WDR7: variants seen among roughly 807,000 people sequenced by gnomAD.
WDR7 encodes the protein WD repeat domain 7.
In WDR7, 46 loss-of-function variants were observed where a neutral mutation model predicts 169.4. The observed-to-expected ratio is 0.27, with a 90% CI of 0.21 to 0.35. The LOEUF (loss-of-function observed/expected upper bound fraction) is 0.35. Ranked by LOEUF, WDR7 falls within the 10% of genes least tolerant of loss-of-function variation. The probability of loss-of-function intolerance (pLI) is 1.00; values close to 1 mark genes in which losing one functional copy is unlikely to be tolerated. For missense variants in WDR7, 1,534 were observed against 1,859.3 expected, an observed-to-expected ratio of 0.83 and a Z score of 3.22; for synonymous variants, 612 against 666.8, an observed-to-expected ratio of 0.92 and a Z score of 1.27.
intron 20 of WDR7, among the ~76,000 whole-genome samples, chr18:56,818,505 A>G (rs2045023927): frequency 6.6e-6 from 1 of 152,196 alleles, no homozygotes; most frequent in Admixed American, 6.5e-5. Context: ...TGTCATGGGT[A>G]CTAGAGGCAA....
At chr18:56,958,867 T>G (rs2145762930) in intron 25 of WDR7, among the ~76,000 whole-genome samples, 1 of 152,234 alleles carries the variant, frequency 6.6e-6, no homozygotes, top group East Asian at 1.9e-4. Context: ...AATGGGTAAG[T>G]GTAATGTTTC....
chr18:56,693,996 A>G (rs1445867008), intron 9 of WDR7, among the ~76,000 whole-genome samples: 8 of 151,154 alleles, frequency 5.3e-5, no homozygotes, highest in Non-Finnish European at 1.2e-4. Context: ...CAGCCTCCTG[A>G]ATACCTGGAG....
chr18:56,768,438 GTGTTAAT>G (rs1207894233), intron 16 of WDR7, among the ~76,000 whole-genome samples: 2 of 152,108 alleles, frequency 1.3e-5, no homozygotes, highest in Non-Finnish European at 2.9e-5. Flanking sequence ...TAAATATATA[GTGTTAAT>G]TGTTTTCTCA....
intron 19 of WDR7, among the ~76,000 whole-genome samples, chr18:56,809,405 C>T (rs1331973263): frequency 1.3e-5 from 2 of 152,008 alleles, no homozygotes; most frequent in East Asian, 3.9e-4. Flanking sequence ...TCATCACTGT[C>T]AAATATTTTG....
chr18:56,772,651 A>G lies in WDR7; in HGVS notation c.2849-4131A>G, dbSNP rs569171283. Among the ~76,000 whole-genome samples, 3 of 152,148 alleles carry G rather than the reference A, an allele frequency of 2.0e-5. No homozygotes were observed. The South Asian group carries it at 6.2e-4, about 32-fold the overall frequency. ...TATTTCCATAGACATAGAGATATTT[A>G]TCTCTCTATATAAATGACTATTCGT... On this transcript the variant is annotated intron_variant, in intron 16 of 27. Transcript: ENST00000254442.
intron 5 of WDR7, 73 bp downstream of exon 5, chr18:56,682,926 TTA>T: frequency 7.0e-7 from 1 of 1,422,826 alleles, no homozygotes; most frequent in Non-Finnish European, 9.6e-7. Context: ...ATTCTACAAT[TTA>T]TCATAAATTA....
rs1343943094 is a variant in WDR7 at position 56,756,619 on chromosome 18, G to C, written c.2026G>C (p.Val676Leu). The C allele has an allele frequency of 2.5e-6, 4 of 1,611,598 alleles. No individual in the cohort carries two copies. The Admixed American group carries it at 5.0e-5, about 20-fold the overall frequency. ...TAAATATTCTCATAACTCCCTGATG[G>C]TTCAAGCAATAAAGACAAACCTAAC... ...LPKYSHNSLMVQAIKTNLTDP... is the reference protein window; with the variant it reads ...LPKYSHNSLMLQAIKTNLTDP... Residue 676 changes from valine (V) to leucine (L), a missense_variant, in exon 15 of 28, where the codon GTT becomes CTT. Val to Leu is a conservative substitution (Grantham distance 32). Transcript: ENST00000254442.
At chr18:56,950,695 G>A (rs766187003) in intron 25 of WDR7, among the ~76,000 whole-genome samples, 2 of 152,122 alleles carry the variant, frequency 1.3e-5, no homozygotes, top group East Asian at 3.9e-4. Flanking sequence ...CTAAGGCTAC[G>A]TTTCCTGTAG....
chr18:56,972,500 G>T (rs1282546525), intron 26 of WDR7, among the ~76,000 whole-genome samples: 2 of 152,130 alleles, frequency 1.3e-5, no homozygotes, highest in Non-Finnish European at 1.5e-5. Context: ...TTTTCTTCCT[G>T]CTCTTTTCAG....
chr18:56,656,025 T>C (rs1437997444), intron 1 of WDR7, among the ~76,000 whole-genome samples: 3 of 152,210 alleles, frequency 2.0e-5, no homozygotes, highest in African/African-American at 7.2e-5. Context: ...TTTTGGCTGT[T>C]ACAGATAAAG....
intron 20 of WDR7, among the ~76,000 whole-genome samples, chr18:56,833,016 A>C (rs562672861): frequency 1.3e-5 from 2 of 152,068 alleles, no homozygotes; most frequent in Non-Finnish European, 2.9e-5. Context: ...TAGGCTTCAG[A>C]AGGTGGGTAA....
chr18:56,979,577 A>T lies in WDR7; in HGVS notation c.4164+17048A>T, dbSNP rs1008795893. Reference sequence around the variant, plus strand: ...GCTCCGAACAGGGACATTTTCTCCAATTACTCAGATCAACACAGAATTCAG... The same window carrying T: ...GCTCCGAACAGGGACATTTTCTCCATTTACTCAGATCAACACAGAATTCAG... On this transcript the variant is annotated intron_variant, in intron 26 of 27. Coordinates refer to ENST00000254442, the MANE Select transcript of WDR7 (RefSeq NM_015285.3). Among the ~76,000 whole-genome samples, 4 of 152,286 alleles carry T rather than the reference A, an allele frequency of 2.6e-5. No individual in the cohort carries two copies. In the East Asian group the frequency reaches 7.7e-4, roughly 29 times the overall value.
intron 26 of WDR7, among the ~76,000 whole-genome samples, chr18:56,998,904 G>A (rs914461652): frequency 4.6e-5 from 7 of 152,108 alleles, no homozygotes; most frequent in Non-Finnish European, 8.8e-5. Context: ...CCTTATTCTT[G>A]ATTGTCCCAA....
At chr18:56,691,409 C>A in intron 8 of WDR7, 48 bp downstream of exon 8, 1 of 1,524,100 alleles carries the variant, frequency 6.6e-7, no homozygotes, top group Non-Finnish European at 8.7e-7. Flanking sequence ...GTAAAAGATT[C>A]AGAATTTAGG....
intron 13 of WDR7, among the ~76,000 whole-genome samples, chr18:56,724,984 C>T (rs2026410542): frequency 6.6e-6 from 1 of 151,990 alleles, no homozygotes; most frequent in Non-Finnish European, 1.5e-5. Flanking sequence ...GACATGAACT[C>T]ATTCTTTTTT....
At chr18:56,791,514 G>GT (rs1003614212) in intron 19 of WDR7, among the ~76,000 whole-genome samples, 1 of 151,434 alleles carries the variant, frequency 6.6e-6, no homozygotes, top group Non-Finnish European at 1.5e-5. Context: ...TTATCTGTTT[G>GT]TTTTTTTTCC....
intron 26 of WDR7, among the ~76,000 whole-genome samples, chr18:57,006,119 A>G (rs1368540395): frequency 1.3e-5 from 2 of 152,208 alleles, no homozygotes; most frequent in Non-Finnish European, 2.9e-5. Flanking sequence ...TAAAATTAGC[A>G]TGCATAGTAT....
chr18:56,771,021 C>T (rs1010495469), intron 16 of WDR7, among the ~76,000 whole-genome samples: 1 of 152,122 alleles, frequency 6.6e-6, no homozygotes, highest in Non-Finnish European at 1.5e-5. Flanking sequence ...GCACTTTCCT[C>T]TGTGTTTTTC....
intron 14 of WDR7, among the ~76,000 whole-genome samples, chr18:56,744,819 G>A (rs1320463401): frequency 6.6e-6 from 1 of 152,184 alleles, no homozygotes; most frequent in African/African-American, 2.4e-5. Flanking sequence ...GCTCCAAGAG[G>A]CTGAAGAGCA....
Sources: gnomAD v4.1 joint callset for allele counts (sites outside exome capture counted in the v4.1 genomes callset) on GRCh38, gnomAD v4.1.1 for gene constraint, MANE v1.5 for transcripts, NCBI Gene and HGNC (gene_info 2026-07-23, HGNC 2026-07-21) for gene names.